Variants in TSHZ1 observed in about 807,000 individuals in gnomAD.
The protein encoded by TSHZ1 is teashirt homolog 1.
TSHZ1 carries 12 observed loss-of-function variants against 67.1 expected under a neutral mutation model. That is an observed-to-expected ratio of 0.18 (90% CI 0.11 to 0.29). The LOEUF (loss-of-function observed/expected upper bound fraction) is 0.29. Ranked by LOEUF, TSHZ1 falls within the 10% of genes least tolerant of loss-of-function variation. The pLI, the probability that TSHZ1 is intolerant of heterozygous loss-of-function variation, is 1.00. For synonymous variants in TSHZ1, 632 were observed against 622.4 expected, an observed-to-expected ratio of 1.02 and a Z score of -0.23; for missense variants, 1,305 against 1,413.9, an observed-to-expected ratio of 0.92 and a Z score of 1.23.
At chr18:75,236,118 T>C (rs9959886) in intron 1 of TSHZ1, among the ~76,000 whole-genome samples, 9,665 of 152,190 alleles carry the variant, frequency 0.064, 581 homozygotes, top group African/African-American at 0.16. Context: ...TGATAGGAAG[T>C]GTGCGTGTGT....
intron 1 of TSHZ1, chr18:75,221,193 A>G (rs182067880): frequency 4.6e-5 from 7 of 152,378 alleles, no homozygotes; most frequent in African/African-American, 1.7e-4. Context: ...TCAAGTACTT[A>G]CATGCTTATA....
chr18:75,249,130 C>G (rs1057102153), intron 1 of TSHZ1, among the ~76,000 whole-genome samples: 2 of 152,130 alleles, frequency 1.3e-5, no homozygotes, highest in South Asian at 4.1e-4. Flanking sequence ...GGCTCCAGGC[C>G]GTGGCTGCTC....
intron 1 of TSHZ1, among the ~76,000 whole-genome samples, chr18:75,234,088 T>A (rs1158033525): frequency 6.6e-6 from 1 of 152,176 alleles, no homozygotes; most frequent in East Asian, 1.9e-4. Flanking sequence ...TGGGCTCCCC[T>A]CTACACACAG....
chr18:75,244,010 A>G (rs1207543552), intron 1 of TSHZ1, among the ~76,000 whole-genome samples: 1 of 152,204 alleles, frequency 6.6e-6, no homozygotes, highest in Non-Finnish European at 1.5e-5. Context: ...TACATAAAGC[A>G]ATATTATGGT....
intron 1 of TSHZ1, among the ~76,000 whole-genome samples, chr18:75,221,750 A>G (rs1392804920): frequency 6.6e-6 from 1 of 152,220 alleles, no homozygotes; most frequent in Non-Finnish European, 1.5e-5. Flanking sequence ...AAATAACAGT[A>G]AAACATGTCT....
At chr18:75,271,656 TCA>T (rs1568365530) in intron 1 of TSHZ1, among the ~76,000 whole-genome samples, 1 of 152,172 alleles carries the variant, frequency 6.6e-6, no homozygotes, top group African/African-American at 2.4e-5. Context: ...CTTTTATCAT[TCA>T]TGTTGGGAAG....
At position 75,281,963 on chromosome 18, in the gene TSHZ1, A is replaced by G. The variant is rs1343743983; in HGVS notation, c.41-3485A>G. The stretch of plus-strand genomic sequence containing the variant: ...CCCTGCTTTGCTTCTTCCCTGGGAC[A>G]TGAGTCCCCGTCCCTAGGGCAGGGA... On this transcript the variant is annotated intron_variant, in intron 1 of 1. Coordinates refer to ENST00000580243, the MANE Select transcript of TSHZ1 (RefSeq NM_001308210.2). The surrounding 1 kb of genome is among the most constrained non-coding windows in gnomAD (Gnocchi z 5.3). Among the ~76,000 whole-genome samples the G allele has an allele frequency of 6.6e-6, 1 of 152,216 alleles. No individual in the cohort carries two copies. Among genetic ancestry groups the G allele is most frequent in the African/African-American group, 2.4e-5 (1 of 41,532 alleles).
chr18:75,225,704 G>GA (rs2022916454), intron 1 of TSHZ1, among the ~76,000 whole-genome samples: 1 of 151,928 alleles, frequency 6.6e-6, no homozygotes, highest in Admixed American at 6.6e-5. Context: ...ACGCCATCCT[G>GA]AGCACAGCAG....
chr18:75,288,216 A>G lies in TSHZ1; in HGVS notation c.2809A>G (p.Met937Val). The G allele has an allele frequency of 1.2e-6, 2 of 1,614,210 alleles. No homozygotes were observed. The highest frequency in any genetic ancestry group is 2.2e-5 in the South Asian group (2 of 91,088). The change falls in exon 2 of 2, where the codon ATG (methionine) becomes GTG (valine). Residue 937 changes from methionine to valine, a missense_variant. By Grantham distance (21) the Met-to-Val change is conservative (BLOSUM62 1). Coordinates refer to ENST00000580243, the MANE Select transcript of TSHZ1 (RefSeq NM_001308210.2). The surrounding 1 kb of genome is among the most constrained non-coding windows in gnomAD (Gnocchi z 4.9). ...CATCTCGAAGTTTACTGGGCTCTCC[A>G]TGACCACCATCAGCCACTGGCTGGC... ...VHISKFTGLS[M>V]TTISHWLANV...
intron 1 of TSHZ1, among the ~76,000 whole-genome samples, chr18:75,249,689 G>GT: frequency 7.4e-6 from 1 of 134,310 alleles, no homozygotes; most frequent in Non-Finnish European, 1.6e-5. Flanking sequence ...CCTCCTCCCT[G>GT]CCTCACTCCT....
intron 1 of TSHZ1, among the ~76,000 whole-genome samples, chr18:75,225,115 T>G (rs2022906462): frequency 6.6e-6 from 1 of 152,168 alleles, no homozygotes; most frequent in Non-Finnish European, 1.5e-5. Flanking sequence ...TCCTGCCATT[T>G]TCATGTCAAG....
intron 1 of TSHZ1, among the ~76,000 whole-genome samples, chr18:75,258,216 G>A (rs1281794474): frequency 6.6e-6 from 1 of 152,206 alleles, no homozygotes; most frequent in Non-Finnish European, 1.5e-5. Context: ...TGGATGTGTT[G>A]ATGGAGTGCA....
intron 1 of TSHZ1, among the ~76,000 whole-genome samples, chr18:75,253,719 A>C (rs763774421): frequency 3.3e-5 from 5 of 152,276 alleles, no homozygotes; most frequent in Non-Finnish European, 7.3e-5. Context: ...GTGCAAGTAA[A>C]AATTGCCCAC....
At chr18:75,272,591 C>T (rs1436559137) in intron 1 of TSHZ1, among the ~76,000 whole-genome samples, 2 of 152,172 alleles carry the variant, frequency 1.3e-5, no homozygotes, top group Non-Finnish European at 2.9e-5. Context: ...TGAAGAAGAG[C>T]CATTTCACTT....
intron 1 of TSHZ1, among the ~76,000 whole-genome samples, chr18:75,237,020 G>A (rs2023081305): frequency 6.6e-6 from 1 of 152,100 alleles, no homozygotes; most frequent in South Asian, 2.1e-4. Context: ...AATAGCAGTG[G>A]GCTGGGATTC....
intron 1 of TSHZ1, among the ~76,000 whole-genome samples, chr18:75,229,505 G>C (rs1368144486): frequency 6.6e-6 from 1 of 152,200 alleles, no homozygotes; most frequent in South Asian, 2.1e-4. Flanking sequence ...TGCTCCATAA[G>C]GGCAGGGCCA....
In TSHZ1 at chr18:75,281,327, C is replaced by T. The variant is rs1044007713; in HGVS notation, c.41-4121C>T. Among the ~76,000 whole-genome samples the T allele has an allele frequency of 6.6e-6, 1 of 152,164 alleles. No individual in the cohort carries two copies. The highest frequency in any genetic ancestry group is 6.5e-5 in the Admixed American group (1 of 15,288). ...TGGGGTTATTCGGTAACGTCTGAAT[C>T]TGGAGATTCAGAAGGAGGAGAAAGT... On this transcript the variant is annotated intron_variant, in intron 1 of 1. Coordinates refer to ENST00000580243, the MANE Select transcript of TSHZ1 (RefSeq NM_001308210.2). The surrounding 1 kb of genome is among the most constrained non-coding windows in gnomAD (Gnocchi z 5.3).
chr18:75,286,319 G>A lies in TSHZ1; in HGVS notation c.912G>A (p.Gln304=). 2 of 1,613,114 alleles carry A rather than the reference G, an allele frequency of 1.2e-6. No individual in the cohort carries two copies. ...LMEMEGKEDA[Q]KVLKCMYCGH... is the part of the protein sequence containing the mutation. ...AGATGGAGGGGAAGGAGGATGCCCAGAAGGTGCTGAAGTGCATGTACTGTG... is the reference window on the plus strand; with the variant it reads ...AGATGGAGGGGAAGGAGGATGCCCAAAAGGTGCTGAAGTGCATGTACTGTG... Residue 304 remains glutamine, a synonymous_variant, in exon 2 of 2, where the codon CAG becomes CAA. Transcript: ENST00000580243. This position sits in a 1 kb window ranked among gnomAD's most constrained non-coding sequence, Gnocchi z 5.1.
chr18:75,260,658 T>C (rs1043686416), intron 1 of TSHZ1, among the ~76,000 whole-genome samples: 4 of 151,598 alleles, frequency 2.6e-5, no homozygotes, highest in African/African-American at 9.7e-5. Context: ...GAGGGCAGAG[T>C]TGGGGAGGTG....
Sources: gnomAD v4.1 joint callset for allele counts (sites outside exome capture counted in the v4.1 genomes callset) on GRCh38, gnomAD v4.1.1 for gene constraint, Gnocchi (gnomAD v3.1) non-coding constraint, MANE v1.5 for transcripts, NCBI Gene and HGNC (gene_info 2026-07-23, HGNC 2026-07-21) for gene names.